Variants in ANKRD30A observed in about 807,000 individuals in gnomAD.
The protein encoded by ANKRD30A is ankyrin repeat domain-containing protein 30A.
A neutral mutation model predicts 166.3 loss-of-function variants in ANKRD30A; 170 were observed. The observed-to-expected ratio is 1.02, with a 90% CI of 0.90 to 1.16. The LOEUF is 1.16. Ranked by LOEUF, ANKRD30A falls within the 50% of genes most tolerant of loss-of-function variation. The probability of loss-of-function intolerance (pLI) is 0.00; values close to 1 mark genes in which losing one functional copy is unlikely to be tolerated. For missense variants in ANKRD30A, 1,630 were observed against 1,518.0 expected (o/e 1.07, Z -1.23); for synonymous variants, 564 against 508.9 (o/e 1.11, Z -1.46).
intron 31 of ANKRD30A, among the ~76,000 whole-genome samples, chr10:37,203,321 C>G (rs1214164138): frequency 6.6e-6 from 1 of 152,140 alleles, no homozygotes; most frequent in African/African-American, 2.4e-5. Flanking sequence ...GGATGCAAGG[C>G]TGGTTCAAGA....
At chr10:37,202,427 CT>C (rs1323082138) in intron 31 of ANKRD30A, among the ~76,000 whole-genome samples, 41 of 152,140 alleles carry the variant, frequency 2.7e-4, no homozygotes, top group Non-Finnish European at 1.8e-4. Flanking sequence ...TAAATATGTT[CT>C]TTGAAACCGA....
intron 27 of ANKRD30A, among the ~76,000 whole-genome samples, chr10:37,195,935 A>G (rs1254752782): frequency 1.3e-5 from 2 of 152,148 alleles, no homozygotes; most frequent in Non-Finnish European, 2.9e-5. Flanking sequence ...ATTTCTGGGT[A>G]TGCTTTTAGC....
chr10:37,133,659 T>C (rs1836506760), intron 4 of ANKRD30A, among the ~76,000 whole-genome samples: 1 of 152,212 alleles, frequency 6.6e-6, no homozygotes, highest in East Asian at 1.9e-4. Context: ...TTTGCCTCTT[T>C]TAGATTAGTG....
intron 30 of ANKRD30A, among the ~76,000 whole-genome samples, chr10:37,200,894 A>C (rs1328374479): frequency 6.6e-6 from 1 of 152,020 alleles, no homozygotes; most frequent in African/African-American, 2.4e-5. Context: ...ATTTTGTTTG[A>C]AATGTCATAT....
intron 31 of ANKRD30A, among the ~76,000 whole-genome samples, chr10:37,210,183 A>G (rs189464288): frequency 2.6e-4 from 40 of 151,890 alleles, no homozygotes; most frequent in Admixed American, 2.6e-3. Context: ...TCATTGTTCA[A>G]CTCCCACTTA....
chr10:37,215,393 A>G (rs773731522), intron 31 of ANKRD30A, among the ~76,000 whole-genome samples: 2 of 151,398 alleles, frequency 1.3e-5, no homozygotes, highest in Non-Finnish European at 3.0e-5. Flanking sequence ...ATTTTGCTAA[A>G]TAGTAGGAGG....
At chr10:37,218,957 A>G in intron 33 of ANKRD30A, 23 bp from the exon 34 acceptor site, 2 of 1,488,142 alleles carry the variant, frequency 1.3e-6, no homozygotes, top group Non-Finnish European at 1.8e-6. Context: ...GTGCTAGCTA[A>G]AAGTTTATTT....
At chr10:37,189,830 A>G (rs1445763062) in intron 25 of ANKRD30A, among the ~76,000 whole-genome samples, 1 of 151,510 alleles carries the variant, frequency 6.6e-6, no homozygotes, top group African/African-American at 2.4e-5. Context: ...GTAGTAATAG[A>G]GTAAATGAAG....
rs941151943 is a variant in ANKRD30A at position 37,190,974 on chromosome 10, A to G, written c.2512+1417A>G. Among the ~76,000 whole-genome samples the G allele has an allele frequency of 3.7e-4, 56 of 152,044 alleles. 1 individual carries two copies. Among genetic ancestry groups the G allele is most frequent in the African/African-American group, 1.2e-3 (50 of 41,404 alleles). ...TTATGAAACCTCATTAGCAAATAACATGCTACACGAAACCAGACTAATTTT... is the reference window on the plus strand; with the variant it reads ...TTATGAAACCTCATTAGCAAATAACGTGCTACACGAAACCAGACTAATTTT... On this transcript the variant is annotated intron_variant, in intron 25 of 35. Coordinates refer to ENST00000361713, the MANE Select transcript of ANKRD30A (RefSeq NM_052997.3).
intron 13 of ANKRD30A, among the ~76,000 whole-genome samples, chr10:37,154,437 T>C (rs1838207588): frequency 6.6e-6 from 1 of 152,070 alleles, no homozygotes; most frequent in Non-Finnish European, 1.5e-5. Flanking sequence ...AGGCCTTTTG[T>C]GGGAAAAATG....
chr10:37,209,966 G>A (rs1444054116), intron 31 of ANKRD30A, among the ~76,000 whole-genome samples: 1 of 151,458 alleles, frequency 6.6e-6, no homozygotes, highest in Non-Finnish European at 1.5e-5. Flanking sequence ...TAGTTAAAAA[G>A]GTTTTCTTAT....
chr10:37,190,707 G>C (rs1840485022), intron 25 of ANKRD30A, among the ~76,000 whole-genome samples: 2 of 151,812 alleles, frequency 1.3e-5, no homozygotes, highest in South Asian at 4.2e-4. Flanking sequence ...TTTTACTGCA[G>C]AGTGCTAGAG....
In ANKRD30A at chr10:37,201,278, A is replaced by T. The variant is rs529262749; in HGVS notation, c.2822A>T (p.Lys941Met). Residue 941 changes from lysine to methionine, a missense_variant, in exon 31 of 36, where the codon AAG (lysine) becomes ATG (methionine). Lys to Met is a moderately conservative substitution (Grantham distance 95). Transcript: ENST00000361713. Reference protein sequence around the residue: ...TVSQKDVCVPKATHQKEMDKI... With the variant: ...TVSQKDVCVPMATHQKEMDKI... Reference sequence around the variant, plus strand: ...TCACAGAAGGATGTGTGTGTACCCAAGGCTACACATCAAAAAGAAATGGAT... The same window carrying T: ...TCACAGAAGGATGTGTGTGTACCCATGGCTACACATCAAAAAGAAATGGAT... 3 of 1,596,272 alleles carry T rather than the reference A, an allele frequency of 1.9e-6. 1 individual carries two copies. In the African/African-American group the frequency reaches 4.1e-5, roughly 22 times the overall value.
At chr10:37,209,466 T>C (rs1390507967) in intron 31 of ANKRD30A, among the ~76,000 whole-genome samples, 1 of 152,062 alleles carries the variant, frequency 6.6e-6, no homozygotes, top group Non-Finnish European at 1.5e-5. Flanking sequence ...AAATGACCAA[T>C]ATTCATGAGG....
At chr10:37,178,494 G>C in intron 24 of ANKRD30A, 1 of 967,952 alleles carries the variant, frequency 1.0e-6, no homozygotes, top group Non-Finnish European at 1.2e-6. Context: ...GGTGGTCCTT[G>C]GACGTTGCTC....
chr10:37,245,756 G>C, the ANKRD30A span, among the ~76,000 whole-genome samples: 1 of 152,126 alleles, frequency 6.6e-6, no homozygotes, highest in Non-Finnish European at 1.5e-5. Flanking sequence ...TTGGAATCTT[G>C]ACTGGGAAAG....
At chr10:37,131,464 T>C (rs1402583156) in intron 3 of ANKRD30A, among the ~76,000 whole-genome samples, 1 of 152,204 alleles carries the variant, frequency 6.6e-6, no homozygotes, top group Non-Finnish European at 1.5e-5. Flanking sequence ...AGAAACCCCA[T>C]GGACCATTTA....
chr10:37,201,396 T>A, intron 31 of ANKRD30A, 71 bp downstream of exon 31: 1 of 1,198,468 alleles, frequency 8.3e-7, no homozygotes. Context: ...AAGGATATGC[T>A]CTAATAGCTG....
At chr10:37,211,069 G>C (rs1842283053) in intron 31 of ANKRD30A, among the ~76,000 whole-genome samples, 1 of 151,676 alleles carries the variant, frequency 6.6e-6, no homozygotes, top group Non-Finnish European at 1.5e-5. Context: ...ATATTGCCTA[G>C]GTTTTCTTCT....
Sources: allele counts gnomAD v4.1 joint callset (sites outside exome capture counted in the v4.1 genomes callset), GRCh38; gene constraint gnomAD v4.1.1; transcripts MANE v1.5; gene names NCBI Gene and HGNC (gene_info 2026-07-23, HGNC 2026-07-21).